CTNNA3: variants seen among roughly 807,000 people sequenced by gnomAD.
CTNNA3 encodes catenin alpha 3.
Under a neutral mutation model 95.7 loss-of-function variants are expected in CTNNA3, and 76 were observed. The observed-to-expected ratio is 0.79, with a 90% confidence interval of 0.66 to 0.96. The LOEUF (loss-of-function observed/expected upper bound fraction) is 0.96. CTNNA3 is among the 40% of genes least tolerant of loss of function. The pLI is 0.00. For missense variants in CTNNA3, 1,191 were observed against 1,089.8 expected, an observed-to-expected ratio of 1.09 and a Z score of -1.31; for synonymous variants, 431 against 374.4, an observed-to-expected ratio of 1.15 and a Z score of -1.74.
In CTNNA3 at chr10:67,255,018, G is replaced by A. The variant is rs537189525; in HGVS notation, c.580-35148C>T. ...TATAAAACCACAATAATTTCTGGCC[G>A]GGCATGGTGGCTCACGACTGTAATC... On this transcript the variant is annotated intron_variant, in intron 5 of 17. Transcript: ENST00000433211. Among the ~76,000 whole-genome samples, 7 of 152,206 alleles carry A rather than the reference G, an allele frequency of 4.6e-5. No homozygotes were observed. The South Asian group carries it at 1.0e-3, about 23-fold the overall frequency.
chr10:67,470,667 A>ACC (rs1554841065), intron 5 of CTNNA3, among the ~76,000 whole-genome samples: 2 of 151,882 alleles, frequency 1.3e-5, no homozygotes, highest in African/African-American at 4.8e-5. Flanking sequence ...ACACACACAC[A>ACC]CCGCAGTGAG....
At chr10:65,972,904 G>GAAA (rs3052085) in intron 16 of CTNNA3, among the ~76,000 whole-genome samples, 1 of 140,142 alleles carries the variant, frequency 7.1e-6, no homozygotes, top group African/African-American at 2.6e-5. Context: ...TCCTAAGGGG[G>GAAA]AAAAAAAAAA....
intron 9 of CTNNA3, among the ~76,000 whole-genome samples, chr10:66,679,155 T>A (rs1175621618): frequency 3.9e-4 from 60 of 152,116 alleles, no homozygotes. Context: ...ATAATTCAAA[T>A]GAGAAATCAT....
intron 7 of CTNNA3, among the ~76,000 whole-genome samples, chr10:66,930,365 ACT>A (rs1047940938): frequency 6.6e-6 from 1 of 152,222 alleles, no homozygotes; most frequent in Non-Finnish European, 1.5e-5. Flanking sequence ...CTCACAGCTT[ACT>A]GGATGACTGA....
chr10:67,258,745 A>G (rs1165233267), intron 5 of CTNNA3, among the ~76,000 whole-genome samples: 3 of 152,168 alleles, frequency 2.0e-5, no homozygotes, highest in Non-Finnish European at 2.9e-5. Flanking sequence ...TCATTGTATC[A>G]ATATGTAATT....
intron 13 of CTNNA3, among the ~76,000 whole-genome samples, chr10:66,129,775 G>T (rs1360458248): frequency 6.6e-6 from 1 of 152,008 alleles, no homozygotes. Flanking sequence ...CAGGCCATCT[G>T]TGTCCTCCCC....
At chr10:65,969,152 T>A (rs1163814879) in intron 16 of CTNNA3, among the ~76,000 whole-genome samples, 1 of 151,106 alleles carries the variant, frequency 6.6e-6, no homozygotes, top group Non-Finnish European at 1.5e-5. Context: ...GGTGTAGGAG[T>A]ACACAAGTTA....
chr10:66,299,511 C>T (rs1181257099), intron 12 of CTNNA3, among the ~76,000 whole-genome samples: 1 of 152,084 alleles, frequency 6.6e-6, no homozygotes, highest in African/African-American at 2.4e-5. Flanking sequence ...ATGAACCATG[C>T]ATAAAAGAGA....
At chr10:66,557,691 A>G (rs780571474) in intron 10 of CTNNA3, among the ~76,000 whole-genome samples, 1 of 152,042 alleles carries the variant, frequency 6.6e-6, no homozygotes, top group Non-Finnish European at 1.5e-5. Flanking sequence ...TACTCCCACA[A>G]CTGGAGTTCC....
At chr10:67,277,908 C>T (rs1839248930) in intron 5 of CTNNA3, among the ~76,000 whole-genome samples, 1 of 152,068 alleles carries the variant, frequency 6.6e-6, no homozygotes, top group Non-Finnish European at 1.5e-5. Flanking sequence ...ATGAATAATC[C>T]ACCCCTTGTT....
chr10:67,178,876 A>G (rs1380893813), intron 7 of CTNNA3, among the ~76,000 whole-genome samples: 1 of 152,036 alleles, frequency 6.6e-6, no homozygotes, highest in Non-Finnish European at 1.5e-5. Context: ...AAAAATGGGG[A>G]TATTCTAGCT....
chr10:66,636,397 C>A (rs1845338550), intron 9 of CTNNA3, among the ~76,000 whole-genome samples: 1 of 151,936 alleles, frequency 6.6e-6, no homozygotes, highest in African/African-American at 2.4e-5. Context: ...AAGACACTTG[C>A]AGTGTAATCT....
At chr10:66,384,821 C>T (rs1273658821) in intron 11 of CTNNA3, among the ~76,000 whole-genome samples, 2 of 152,122 alleles carry the variant, frequency 1.3e-5, no homozygotes, top group Non-Finnish European at 2.9e-5. Flanking sequence ...GGAAAATGAA[C>T]AACCTGCTCC....
intron 13 of CTNNA3, among the ~76,000 whole-genome samples, chr10:66,215,929 G>A (rs2088501642): frequency 6.6e-6 from 1 of 152,156 alleles, no homozygotes; most frequent in Non-Finnish European, 1.5e-5. Context: ...TTCCCTTTTT[G>A]TACAGATTTC....
intron 13 of CTNNA3, among the ~76,000 whole-genome samples, chr10:66,151,405 G>A (rs2084193036): frequency 6.6e-6 from 1 of 151,910 alleles, no homozygotes; most frequent in African/African-American, 2.4e-5. Flanking sequence ...GCAAATATTA[G>A]GAGTTATAAT....
intron 7 of CTNNA3, among the ~76,000 whole-genome samples, chr10:67,128,168 G>T (rs1859815393): frequency 1.3e-5 from 2 of 152,060 alleles, no homozygotes; most frequent in Non-Finnish European, 2.9e-5. Flanking sequence ...GCCATAGGGT[G>T]CCCAGATACT....
At chr10:67,469,569 T>C (rs1339061280) in intron 5 of CTNNA3, among the ~76,000 whole-genome samples, 1 of 124,576 alleles carries the variant, frequency 8.0e-6, no homozygotes, top group Non-Finnish European at 1.6e-5. Flanking sequence ...TGAGAACACA[T>C]GGACACAGGG....
chr10:67,359,859 G>A (rs1842936483), intron 5 of CTNNA3, among the ~76,000 whole-genome samples: 1 of 152,010 alleles, frequency 6.6e-6, no homozygotes, highest in Admixed American at 6.6e-5. Context: ...GAACCCTCAT[G>A]AAATGCTAAA....
In CTNNA3 at chr10:67,040,176, T is replaced by C. The variant is rs1854303673; in HGVS notation, c.1047+140141A>G. Among the ~76,000 whole-genome samples the C allele has an allele frequency of 2.6e-5, 4 of 152,110 alleles. No individual in the cohort carries two copies. In the South Asian group the frequency reaches 8.3e-4, roughly 32 times the overall value. On this transcript the variant is annotated intron_variant, in intron 7 of 17. Transcript: ENST00000433211. ...GCATGTTAAGTGAAGGGAAACAAGC[T>C]CTAATGGTGCCCTTTAATGTTCTGA... is the stretch of plus-strand genomic sequence containing the variant.
Sources: allele counts gnomAD v4.1 joint callset (sites outside exome capture counted in the v4.1 genomes callset), GRCh38; gene constraint gnomAD v4.1.1; transcripts MANE v1.5; gene names NCBI Gene and HGNC (gene_info 2026-07-23, HGNC 2026-07-21).